The following THBS2 variants were observed in gnomAD, a reference collection of about 807,000 sequenced individuals.
The protein encoded by THBS2 is thrombospondin 2.
A neutral mutation model predicts 135.2 loss-of-function variants in THBS2; 47 were observed. The ratio of observed to expected loss-of-function variants is 0.35; its 90% confidence interval spans 0.28 to 0.44. The LOEUF is 0.44. THBS2 is among the 20% of genes least tolerant of loss of function. The pLI, the probability that THBS2 is intolerant of heterozygous loss-of-function variation, is 1.00. For missense variants in THBS2, 1,288 were observed against 1,603.1 expected (o/e 0.80, Z 3.36); for synonymous variants, 639 against 633.8 (o/e 1.01, Z -0.12).
intron 4 of THBS2, among the ~76,000 whole-genome samples, chr6:169,243,016 CCCACCTTCCCACCTTCCCA>C: frequency 7.4e-6 from 1 of 135,758 alleles, no homozygotes; most frequent in Non-Finnish European, 1.6e-5. Context: ...TTCCCACATT[CCCACCTTCCCACCTTCCCA>C]CCGCTCCCAC....
In THBS2 at chr6:169,253,775, G is replaced by A. The variant is rs1780828296; in HGVS notation, c.-74C>T. ...GACTGGTTTCAGTGTTCCGGACCGAGTCAGAAAGGCGCAGGCTCTGCTGGA... is the reference window on the plus strand; with the variant it reads ...GACTGGTTTCAGTGTTCCGGACCGAATCAGAAAGGCGCAGGCTCTGCTGGA... On this transcript the variant is annotated 5_prime_UTR_variant, in exon 1 of 22. Coordinates refer to ENST00000617924, the MANE Select transcript of THBS2 (RefSeq NM_003247.5). 6.6e-6 allele frequency: 1 copy of A among 152,256 alleles called. No individual in the cohort carries two copies. Among genetic ancestry groups the A allele is most frequent in the African/African-American group, 2.4e-5 (1 of 41,466 alleles). 9.4% of individuals were successfully genotyped at this position (152,256 alleles called of 1,614,324 possible).
rs746162377 is a variant in THBS2, at chr6:169,248,807, C to G, written c.219G>C (p.Lys73Asn). The G allele has an allele frequency of 6.2e-7, 1 of 1,611,188 alleles. No individual in the cohort carries two copies. Among genetic ancestry groups the G allele is most frequent in the African/African-American group, 1.3e-5 (1 of 75,042 alleles). Residue 73 changes from lysine to asparagine, a missense_variant, in exon 3 of 22, where the codon AAG (lysine) becomes AAC (asparagine). This residue lies in a region of THBS2 where 414 missense variants were observed against 447.0 expected (regional missense o/e 0.93). Transcript: ENST00000617924. ...IPPVNADDLS[K>N]ITKIMRQKEG... is the part of the protein sequence containing the mutation. The stretch of plus-strand genomic sequence containing the variant: ...CCTTCTGCCGCATGATCTTGGTGAT[C>G]TTGCTGAGGTCATCTGCGTTCACCG...
At chr6:169,248,313 C>A (rs534821129) in intron 3 of THBS2, 104 bp downstream of exon 3, 162 of 1,367,536 alleles carry the variant, frequency 1.2e-4, no homozygotes, top group Admixed American at 6.1e-4. Flanking sequence ...TCTCTAAGGC[C>A]AGGCTCTGCC....
At chr6:169,242,614 A>ACCACTC (rs1780357263) in intron 4 of THBS2, among the ~76,000 whole-genome samples, 1 of 30,656 alleles carries the variant, frequency 3.3e-5, no homozygotes, top group African/African-American at 1.4e-4. Context: ...CCACCTTCCC[A>ACCACTC]CCGCTCCCAC....
chr6:169,224,388 C>G (rs911468858), intron 17 of THBS2, among the ~76,000 whole-genome samples: 1 of 152,326 alleles, frequency 6.6e-6, no homozygotes, highest in Admixed American at 6.5e-5. Context: ...TGTGCTCACT[C>G]CATCCCTTCA....
intron 15 of THBS2, among the ~76,000 whole-genome samples, chr6:169,227,440 G>A (rs931710763): frequency 2.3e-4 from 35 of 152,300 alleles, no homozygotes; most frequent in African/African-American, 8.2e-4. Context: ...ATACACCCAC[G>A]TTATTCTAAC....
At position 169,229,596 on chromosome 6, in the gene THBS2, G is replaced by A; in HGVS notation, c.2235C>T (p.Asp745=). Residue 745 remains aspartate, a synonymous_variant, in exon 14 of 22, where the codon GAC becomes GAT. Transcript: ENST00000617924. ...GIGDACDDDD[D]NDGVTDEKDN... The stretch of plus-strand genomic sequence containing the variant: ...CCTTCTCATCGGTCACACCGTCATT[G>A]TCATCGTCATCATCACAGGCATCGC... 1.2e-6 allele frequency: 2 copies of A among 1,614,098 alleles called. No homozygotes were observed. Among genetic ancestry groups the A allele is most frequent in the Non-Finnish European group, 1.7e-6 (2 of 1,179,976 alleles).
intron 19 of THBS2, 89 bp downstream of exon 19, chr6:169,222,108 G>T: frequency 7.0e-7 from 1 of 1,420,802 alleles, no homozygotes; most frequent in Non-Finnish European, 9.4e-7. Context: ...AGACAAAAGT[G>T]GGGTCTCTGG....
chr6:169,231,639 A>T (rs2114993452), intron 13 of THBS2, among the ~76,000 whole-genome samples: 1 of 152,362 alleles, frequency 6.6e-6, no homozygotes, highest in Middle Eastern at 3.4e-3. Context: ...TGCCTGAGAC[A>T]CAATGGCCTC....
intron 21 of THBS2, among the ~76,000 whole-genome samples, chr6:169,218,586 GA>G (rs531671083): frequency 5.9e-4 from 81 of 136,808 alleles, no homozygotes; most frequent in Middle Eastern, 4.1e-3. Context: ...GGATGGATGA[GA>G]TGGGTGGGTG....
chr6:169,217,960 G>A (rs1158211083), intron 21 of THBS2, 131 bp from the exon 22 acceptor site: 2 of 786,018 alleles, frequency 2.5e-6, no homozygotes, highest in African/African-American at 4.5e-5. Flanking sequence ...ATGGATGGAT[G>A]GATGGATGGA....
chr6:169,231,555 T>C (rs1202431809), intron 13 of THBS2, among the ~76,000 whole-genome samples: 1 of 152,190 alleles, frequency 6.6e-6, no homozygotes, highest in Non-Finnish European at 1.5e-5. Flanking sequence ...CAGCTCCTTA[T>C]ACTGCAACAC....
At chr6:169,233,533 T>C (rs1049094062) in intron 10 of THBS2, among the ~76,000 whole-genome samples, 2 of 132,824 alleles carry the variant, frequency 1.5e-5, no homozygotes, top group Admixed American at 7.6e-5. Flanking sequence ...GGTGCCACAC[T>C]GCACAACTAC....
chr6:169,222,226 G>A lies in THBS2; in HGVS notation c.3244C>T (p.Leu1082=). The A allele has an allele frequency of 6.2e-7, 1 of 1,611,876 alleles. No homozygotes were observed. The highest frequency in any genetic ancestry group is 8.5e-7 in the Non-Finnish European group (1 of 1,179,440). ...TGTGEHLRNA[L]WHTGNTPGQV... is the part of the protein sequence containing the mutation. The stretch of plus-strand genomic sequence containing the variant: ...CCCGGCGTGTTCCCCGTGTGCCACA[G>A]CGCGTTCCTCAGGTGCTCGCCCGTC... Residue 1082 remains leucine, a synonymous_variant, in exon 19 of 22, where the codon CTG becomes TTG. Transcript: ENST00000617924.
At chr6:169,249,011 G>A in intron 2 of THBS2, 38 bp from the exon 3 acceptor site, 1 of 1,558,460 alleles carries the variant, frequency 6.4e-7, no homozygotes, top group Non-Finnish European at 8.7e-7. Flanking sequence ...GTGACGTAGG[G>A]GAAGAGGGCG....
At chr6:169,247,663 G>C (rs1780598316) in intron 3 of THBS2, among the ~76,000 whole-genome samples, 1 of 151,762 alleles carries the variant, frequency 6.6e-6, no homozygotes. Context: ...CATGGCTGTG[G>C]GTGGTGTGTG....
At chr6:169,223,075 A>G (rs925752108) in intron 18 of THBS2, among the ~76,000 whole-genome samples, 173 bp downstream of exon 18, 1 of 152,218 alleles carries the variant, frequency 6.6e-6, no homozygotes, top group Admixed American at 6.5e-5. Flanking sequence ...CGGCAGGTGC[A>G]TGTACCTGTC....
rs1391918491 is a variant in THBS2, at chr6:169,241,285, C to CCG, written c.891+475_891+476dup. ...CGCAGGCATCGCTCTCTCTTCCTGG[C>CCG]CGCGCTGTGCCGCTCAAACCCATTT... On this transcript the variant is annotated intron_variant, in intron 5 of 21. Coordinates refer to ENST00000617924, the MANE Select transcript of THBS2 (RefSeq NM_003247.5). The surrounding 1 kb of genome is among the most constrained non-coding windows in gnomAD (Gnocchi z 5.5). 3.3e-5 allele frequency among the ~76,000 whole-genome samples: 5 copies of CCG among 152,180 alleles called. No individual in the cohort carries two copies. Among genetic ancestry groups the CCG allele is most frequent in the Non-Finnish European group, 7.3e-5 (5 of 68,034 alleles).
chr6:169,223,167 A>G (rs1779494708), intron 18 of THBS2, 81 bp downstream of exon 18: 1 of 1,327,096 alleles, frequency 7.5e-7, no homozygotes, highest in South Asian at 1.4e-5. Flanking sequence ...CACCTGCATG[A>G]TCTTAAAGTG....
Sources: allele counts gnomAD v4.1 joint callset (sites outside exome capture counted in the v4.1 genomes callset), GRCh38; gene constraint gnomAD v4.1.1; regional missense constraint gnomAD v4.1.1; non-coding constraint Gnocchi (gnomAD v3.1); transcripts MANE v1.5; gene names NCBI Gene and HGNC (gene_info 2026-07-23, HGNC 2026-07-21).